Variants in RPF2 observed in about 807,000 individuals in gnomAD.
The protein encoded by RPF2 is ribosome production factor 2 homolog.
In RPF2, 21 loss-of-function variants were observed where a neutral mutation model predicts 38.9. The observed-to-expected ratio is 0.54, with a 90% CI of 0.38 to 0.78. RPF2 has a LOEUF of 0.78. RPF2 is among the 30% of genes least tolerant of loss of function. The pLI, the probability that RPF2 is intolerant of heterozygous loss-of-function variation, is 0.00. For synonymous variants in RPF2, 121 were observed against 126.2 expected, an observed-to-expected ratio of 0.96 and a Z score of 0.28; for missense variants, 314 against 358.1, an observed-to-expected ratio of 0.88 and a Z score of 0.99.
At chr6:111,005,072 A>C (rs1036127531) in intron 6 of RPF2, among the ~76,000 whole-genome samples, 2 of 152,104 alleles carry the variant, frequency 1.3e-5, no homozygotes, top group Non-Finnish European at 2.9e-5. Context: ...GGCGTGGTTG[A>C]AGCATGGAAG....
At chr6:110,990,290 G>T (rs1771596315) in intron 3 of RPF2, among the ~76,000 whole-genome samples, 2 of 152,034 alleles carry the variant, frequency 1.3e-5, no homozygotes, top group Non-Finnish European at 2.9e-5. Context: ...GTTGCATTTA[G>T]TTTTCATGCC....
intron 8 of RPF2, among the ~76,000 whole-genome samples, chr6:111,020,168 T>C (rs892147705): frequency 1.4e-4 from 21 of 152,140 alleles, no homozygotes; most frequent in African/African-American, 7.2e-5. Context: ...TCTACCTGCC[T>C]TGGCCTCTCA....
At chr6:110,998,185 G>A (rs1045739249) in intron 5 of RPF2, among the ~76,000 whole-genome samples, 7 of 152,150 alleles carry the variant, frequency 4.6e-5, no homozygotes, top group Non-Finnish European at 8.8e-5. Flanking sequence ...GATTACAGGC[G>A]TGAGCCAGCA....
intron 3 of RPF2, among the ~76,000 whole-genome samples, chr6:110,989,919 G>A (rs1290287820): frequency 6.6e-6 from 1 of 150,734 alleles, no homozygotes; most frequent in Non-Finnish European, 1.5e-5. Flanking sequence ...CACCCCGCCC[G>A]GCCCAGTTTC....
At chr6:111,014,538 G>A (rs1364434117) in intron 7 of RPF2, among the ~76,000 whole-genome samples, 1 of 152,182 alleles carries the variant, frequency 6.6e-6, no homozygotes, top group Non-Finnish European at 1.5e-5. Context: ...ATGGGAAGCA[G>A]GAAGGAAAAT....
Position 110,982,115 on chromosome 6 carries a change from T to C in RPF2, c.9T>C (p.Thr3=). 4 of 1,614,192 alleles carry C rather than the reference T, an allele frequency of 2.5e-6. No individual in the cohort carries two copies. Among genetic ancestry groups the C allele is most frequent in the Non-Finnish European group, 3.4e-6 (4 of 1,180,024 alleles). ...TGCAGGTAGCGGTAGCGATGGACAC[T>C]CTGGATCGAGTAGTGTAAGTGCGCT... MD[T]LDRVVKPKTK... Residue 3 remains threonine (T), a synonymous_variant, in exon 1 of 10, where the codon ACT becomes ACC. Transcript: ENST00000441448.
chr6:110,991,634 A>C (rs965919273), intron 3 of RPF2, 113 bp from the exon 4 acceptor site: 4 of 405,134 alleles, frequency 9.9e-6, no homozygotes, highest in African/African-American at 8.5e-5. Context: ...AAATATTTGA[A>C]TGAATGAATA....
chr6:111,024,891 T>C (rs778458200), intron 9 of RPF2, among the ~76,000 whole-genome samples: 4 of 152,158 alleles, frequency 2.6e-5, no homozygotes, highest in Admixed American at 6.6e-5. Context: ...ACTGTTGTTT[T>C]CAGCAAAAGA....
chr6:110,989,146 A>G, intron 3 of RPF2, 81 bp downstream of exon 3: 1 of 1,324,872 alleles, frequency 7.5e-7, no homozygotes, highest in Non-Finnish European at 9.9e-7. Context: ...GATTTGGAAA[A>G]CAAAAACTTT....
In RPF2 at chr6:111,025,526, G is replaced by A. The variant is rs780232771; in HGVS notation, c.865G>A (p.Ala289Thr). Reference sequence around the variant, plus strand: ...AATGAAGGGGTTGAAGAAGCGACCTGCAGAAAGGATAACAGAAGACCACGA... The same window carrying A: ...AATGAAGGGGTTGAAGAAGCGACCTACAGAAAGGATAACAGAAGACCACGA... ...RKMKGLKKRP[A>T]ERITEDHEKK... The change falls in exon 10 of 10, where the codon GCA becomes ACA. Residue 289 changes from alanine (A) to threonine (T), a missense_variant. Coordinates refer to ENST00000441448, the MANE Select transcript of RPF2 (RefSeq NM_032194.3). The A allele has an allele frequency of 1.2e-6, 2 of 1,613,328 alleles. No individual in the cohort carries two copies. The highest frequency in any genetic ancestry group is 1.7e-6 in the Non-Finnish European group (2 of 1,179,864).
At chr6:111,023,052 C>T (rs1479273650) in intron 8 of RPF2, among the ~76,000 whole-genome samples, 2 of 152,214 alleles carry the variant, frequency 1.3e-5, no homozygotes, top group Non-Finnish European at 1.5e-5. Flanking sequence ...GCATGTGCCA[C>T]CACGCCTGGC....
At chr6:111,018,638 G>A (rs200231888) in intron 8 of RPF2, among the ~76,000 whole-genome samples, 1 of 151,168 alleles carries the variant, frequency 6.6e-6, no homozygotes, top group Non-Finnish European at 1.5e-5. Context: ...TTAAATCAGA[G>A]ACATTTAGTT....
At chr6:111,022,286 G>A (rs957182473) in intron 8 of RPF2, among the ~76,000 whole-genome samples, 2 of 152,204 alleles carry the variant, frequency 1.3e-5, no homozygotes, top group African/African-American at 4.8e-5. Flanking sequence ...AATTTGAACA[G>A]TAGTGGTAAT....
In RPF2 at chr6:111,025,539, C is replaced by T. The variant is rs149744667; in HGVS notation, c.878C>T (p.Thr293Ile). The T allele has an allele frequency of 7.7e-5, 124 of 1,610,022 alleles. 1 individual carries two copies. The Middle Eastern group carries it at 9.9e-4, about 13-fold the overall frequency. ...AAGAAGCGACCTGCAGAAAGGATAA[C>T]AGAAGACCACGAGAAAAAGTCAAAA... ...GLKKRPAERI[T>I]EDHEKKSKRI... The change falls in exon 10 of 10, where the codon ACA becomes ATA. Residue 293 changes from threonine to isoleucine, a missense_variant. Physicochemically the swap from Thr to Ile is moderately conservative, Grantham distance 89 (BLOSUM62 -1). Transcript: ENST00000441448.
Position 110,989,013 on chromosome 6 carries a change from A to C in RPF2, c.157-15A>C, listed in dbSNP as rs374730917. ...AATGTGTTTTGTTTTGAAAGCTATA[A>C]ATTTTGTTTTACAGTATGCACTGAA... On this transcript the variant is annotated splice_polypyrimidine_tract_variant and intron_variant, in intron 2 of 9. Transcript: ENST00000441448. The C allele has an allele frequency of 3.1e-6, 5 of 1,596,104 alleles. No individual in the cohort carries two copies. Among genetic ancestry groups the C allele is most frequent in the Non-Finnish European group, 4.3e-6 (5 of 1,170,858 alleles).
chr6:111,007,291 T>G (rs1771926268), intron 6 of RPF2, among the ~76,000 whole-genome samples: 1 of 152,228 alleles, frequency 6.6e-6, no homozygotes, highest in Non-Finnish European at 1.5e-5. Flanking sequence ...TTTGCAAGAG[T>G]AACTTTTAAT....
At chr6:110,996,340 G>C (rs753131191) in intron 4 of RPF2, among the ~76,000 whole-genome samples, 9 of 151,832 alleles carry the variant, frequency 5.9e-5, no homozygotes, top group Non-Finnish European at 1.2e-4. Context: ...TACCATGCCT[G>C]GCTAATTTTT....
At chr6:111,007,877 G>A (rs1189953691) in intron 6 of RPF2, among the ~76,000 whole-genome samples, 161 bp from the exon 7 acceptor site, 1 of 152,124 alleles carries the variant, frequency 6.6e-6, no homozygotes, top group African/African-American at 2.4e-5. Context: ...AACCCGGGAG[G>A]TGGAGGTTGC....
chr6:110,988,865 A>T, intron 2 of RPF2, 163 bp from the exon 3 acceptor site: 1 of 858,826 alleles, frequency 1.2e-6, no homozygotes, highest in African/African-American at 1.8e-5. Flanking sequence ...TTAAGCTTAC[A>T]TTTCAAGTTA....
Sources: allele counts gnomAD v4.1 joint callset (sites outside exome capture counted in the v4.1 genomes callset), GRCh38; gene constraint gnomAD v4.1.1; transcripts MANE v1.5; gene names NCBI Gene and HGNC (gene_info 2026-07-23, HGNC 2026-07-21).